DOCK3: variants seen among roughly 807,000 people sequenced by gnomAD.
The protein encoded by DOCK3 is dedicator of cytokinesis protein 3.
DOCK3 carries 60 observed loss-of-function variants against 265.6 expected under a neutral mutation model. The observed-to-expected ratio is 0.23, with a 90% CI of 0.18 to 0.28. The LOEUF is 0.28. Ranked by LOEUF, DOCK3 falls within the 10% of genes least tolerant of loss-of-function variation. DOCK3 has a pLI of 1.00. For missense variants in DOCK3, 1,981 were observed against 2,594.3 expected (o/e 0.76, Z 5.14); for synonymous variants, 881 against 938.0 (o/e 0.94, Z 1.11).
intron 1 of DOCK3, among the ~76,000 whole-genome samples, chr3:50,733,960 A>G (rs996762524): frequency 2.6e-5 from 4 of 152,134 alleles, no homozygotes; most frequent in South Asian, 4.2e-4. Flanking sequence ...GGTGATAACA[A>G]CTCAACTCTG....
intron 27 of DOCK3, among the ~76,000 whole-genome samples, chr3:51,308,890 T>G (rs1416311772): frequency 5.9e-4 from 62 of 105,600 alleles, no homozygotes; most frequent in African/African-American, 1.9e-3. Flanking sequence ...GGGCGGAGGG[T>G]CTCCTCACTT....
At chr3:50,710,397 AC>A (rs1454303449) in intron 1 of DOCK3, among the ~76,000 whole-genome samples, 13 of 152,372 alleles carry the variant, frequency 8.5e-5, no homozygotes, top group Admixed American at 3.9e-4. Flanking sequence ...CAAATGGCCA[AC>A]AAACATATGG....
At chr3:51,014,250 T>C (rs1247063046) in intron 5 of DOCK3, among the ~76,000 whole-genome samples, 2 of 152,156 alleles carry the variant, frequency 1.3e-5, no homozygotes, top group African/African-American at 4.8e-5. Flanking sequence ...TCTGTGTTGA[T>C]CACGCTTGGA....
chr3:51,086,074 CAG>C (rs755909978), intron 7 of DOCK3, among the ~76,000 whole-genome samples: 2 of 151,714 alleles, frequency 1.3e-5, no homozygotes, highest in African/African-American at 2.4e-5. Context: ...GAGCCTCAAA[CAG>C]AGATTTACCC....
Position 51,381,462 on chromosome 3 carries a change from G to A in DOCK3, c.5996G>A (p.Arg1999Lys). 3.8e-6 allele frequency: 6 copies of A among 1,597,768 alleles called. No individual in the cohort carries two copies. The highest frequency in any genetic ancestry group is 5.1e-6 in the Non-Finnish European group (6 of 1,172,848). ...EGVLLREETE[R>K]PRGLHRKAPL... ...GTGCTGCTGCGTGAAGAGACTGAGAGGCCTCGAGGCCTGCACCGCAAGGCT... is the reference window on the plus strand; with the variant it reads ...GTGCTGCTGCGTGAAGAGACTGAGAAGCCTCGAGGCCTGCACCGCAAGGCT... Residue 1999 changes from arginine to lysine, a missense_variant, in exon 53 of 53, where the codon AGG becomes AAG. By Grantham distance (26) the Arg-to-Lys change is conservative. This residue lies in a region of DOCK3 where 149 missense variants were observed against 144.7 expected (regional missense o/e 1.03). Coordinates refer to ENST00000266037, the MANE Select transcript of DOCK3 (RefSeq NM_004947.5). The surrounding 1 kb of genome is among the most constrained non-coding windows in gnomAD (Gnocchi z 5.6).
intron 5 of DOCK3, among the ~76,000 whole-genome samples, chr3:51,053,849 C>T (rs533356415): frequency 5.9e-5 from 9 of 152,124 alleles, no homozygotes; most frequent in Non-Finnish European, 1.0e-4. Context: ...AATTGTTTCT[C>T]CTTTTTAATT....
chr3:51,016,945 TA>T lies in DOCK3; in HGVS notation c.316-47502del, dbSNP rs2079365371. Among the ~76,000 whole-genome samples, 4 of 36,414 alleles carry T rather than the reference TA, an allele frequency of 1.1e-4. 1 individual carries two copies. The highest frequency in any genetic ancestry group is 5.9e-4 in the African/African-American group (4 of 6,742). 23.9% of individuals were successfully genotyped at this position (36,414 alleles called of 152,430 possible). A position where few individuals can be genotyped will look rare whatever the true frequency, so the allele number is the denominator to read the frequency against. Reference sequence around the variant, plus strand: ...ATATTAATATATACAATATATGTTATATATAATATATATATTATATATATAT... The same window carrying T: ...ATATTAATATATACAATATATGTTATTATAATATATATATTATATATATAT... On this transcript the variant is annotated intron_variant, in intron 5 of 52. Coordinates refer to ENST00000266037, the MANE Select transcript of DOCK3 (RefSeq NM_004947.5).
intron 9 of DOCK3, among the ~76,000 whole-genome samples, chr3:51,132,196 T>C (rs1429809276): frequency 6.6e-6 from 1 of 152,216 alleles, no homozygotes; most frequent in Non-Finnish European, 1.5e-5. Context: ...GCAGAGTCCC[T>C]ACTTAGTGGG....
At chr3:51,328,628 C>A (rs2084313842) in intron 32 of DOCK3, among the ~76,000 whole-genome samples, 1 of 150,996 alleles carries the variant, frequency 6.6e-6, no homozygotes, top group Non-Finnish European at 1.5e-5. Context: ...AAAAGAGAGG[C>A]TATATTTATT....
intron 5 of DOCK3, among the ~76,000 whole-genome samples, chr3:51,052,237 G>A (rs1013194180): frequency 1.3e-5 from 2 of 152,116 alleles, no homozygotes; most frequent in African/African-American, 4.8e-5. Flanking sequence ...TGGGTGCAGT[G>A]GCTCATGCCC....
chr3:51,348,079 C>T (rs2085720701), intron 38 of DOCK3, among the ~76,000 whole-genome samples: 1 of 152,178 alleles, frequency 6.6e-6, no homozygotes, highest in Admixed American at 6.5e-5. Flanking sequence ...ATCATGTCAT[C>T]TGCAAACAGG....
At chr3:51,153,851 G>GTATTTATTTGAGTT (rs1294125263) in intron 10 of DOCK3, among the ~76,000 whole-genome samples, 1 of 152,174 alleles carries the variant, frequency 6.6e-6, no homozygotes, top group Non-Finnish European at 1.5e-5. Context: ...CTATCCAGTG[G>GTATTTATTTGAGTT]TATTTATTTG....
intron 4 of DOCK3, among the ~76,000 whole-genome samples, chr3:50,919,195 A>T (rs2050296182): frequency 6.6e-6 from 1 of 152,206 alleles, no homozygotes; most frequent in Non-Finnish European, 1.5e-5. Context: ...AGGTAGTGTG[A>T]TGCTTCCAGC....
chr3:50,723,467 TTGAGAACAGCC>T (rs2037605169), intron 1 of DOCK3, among the ~76,000 whole-genome samples: 1 of 151,992 alleles, frequency 6.6e-6, no homozygotes, highest in African/African-American at 2.4e-5. Context: ...GGTCAGGAGT[TTGAGAACAGCC>T]TGGCCAACAT....
chr3:51,373,298 G>A (rs2087829738), intron 49 of DOCK3, among the ~76,000 whole-genome samples: 1 of 152,174 alleles, frequency 6.6e-6, no homozygotes, highest in Non-Finnish European at 1.5e-5. Context: ...GACCCCAGCT[G>A]CAGATTCAGC....
intron 3 of DOCK3, among the ~76,000 whole-genome samples, chr3:50,883,122 TG>T (rs2048137723): frequency 6.6e-6 from 1 of 151,194 alleles, no homozygotes; most frequent in South Asian, 2.1e-4. Context: ...TGTCGTGGGG[TG>T]GGGGAATGGG....
At chr3:50,689,023 T>C (rs2035034068) in intron 1 of DOCK3, among the ~76,000 whole-genome samples, 1 of 152,200 alleles carries the variant, frequency 6.6e-6, no homozygotes. Flanking sequence ...AGTGTCGGAT[T>C]GTGACTTAAA....
intron 5 of DOCK3, among the ~76,000 whole-genome samples, chr3:51,033,700 G>A (rs1575828527): frequency 6.6e-6 from 1 of 152,078 alleles, no homozygotes. Flanking sequence ...GCTGTTGTTT[G>A]TGCAGTTAAT....
At chr3:50,861,429 T>C (rs2046904115) in intron 3 of DOCK3, among the ~76,000 whole-genome samples, 1 of 152,222 alleles carries the variant, frequency 6.6e-6, no homozygotes, top group Non-Finnish European at 1.5e-5. Context: ...GAGTATTCTG[T>C]AGATGTCTAT....
Sources: allele counts gnomAD v4.1 joint callset (sites outside exome capture counted in the v4.1 genomes callset), GRCh38; gene constraint gnomAD v4.1.1; regional missense constraint gnomAD v4.1.1; non-coding constraint Gnocchi (gnomAD v3.1); transcripts MANE v1.5; gene names NCBI Gene and HGNC (gene_info 2026-07-23, HGNC 2026-07-21).